Variants in LRP1B observed in about 807,000 individuals in gnomAD.
LRP1B encodes the protein LDL receptor related protein 1B.
A neutral mutation model predicts 556.6 loss-of-function variants in LRP1B; 217 were observed. That is an observed-to-expected ratio of 0.39 (90% CI 0.35 to 0.44). The LOEUF (loss-of-function observed/expected upper bound fraction) is 0.44. Among genes scored for constraint, LRP1B ranks in the 20% least tolerant of loss-of-function variants. LRP1B has a pLI of 1.00. For synonymous variants in LRP1B, 2,047 were observed against 1,865.8 expected (o/e 1.10, Z -2.50); for missense variants, 5,053 against 5,620.8 (o/e 0.90, Z 3.23).
chr2:141,095,934 C>G (rs537393254), intron 7 of LRP1B, among the ~76,000 whole-genome samples: 1 of 152,072 alleles, frequency 6.6e-6, no homozygotes, highest in East Asian at 1.9e-4. Flanking sequence ...AGATATCAAA[C>G]AATTGTATCT....
intron 1 of LRP1B, among the ~76,000 whole-genome samples, chr2:141,997,016 A>C (rs1039951492): frequency 6.6e-6 from 1 of 152,172 alleles, no homozygotes; most frequent in Non-Finnish European, 1.5e-5. Flanking sequence ...TGCCCAGAGC[A>C]TCACTCTGCA....
At chr2:142,100,866 C>G (rs191935269) in intron 1 of LRP1B, among the ~76,000 whole-genome samples, 3 of 151,960 alleles carry the variant, frequency 2.0e-5, no homozygotes, top group Admixed American at 2.0e-4. Flanking sequence ...CTCCTTGTCC[C>G]CACACACGTT....
intron 3 of LRP1B, among the ~76,000 whole-genome samples, chr2:141,432,216 A>G (rs950182094): frequency 1.3e-5 from 2 of 152,102 alleles, no homozygotes; most frequent in Admixed American, 1.3e-4. Context: ...TGAAATTATC[A>G]TATTTTACCC....
At chr2:141,177,099 G>C (rs1227627933) in intron 7 of LRP1B, among the ~76,000 whole-genome samples, 1 of 152,006 alleles carries the variant, frequency 6.6e-6, no homozygotes, top group East Asian at 1.9e-4. Context: ...TGGCACCACT[G>C]AGCTGAATTA....
intron 23 of LRP1B, among the ~76,000 whole-genome samples, chr2:140,886,750 A>C (rs1693648037): frequency 6.6e-6 from 1 of 152,160 alleles, no homozygotes; most frequent in Admixed American, 6.5e-5. Flanking sequence ...ACAGATCCAT[A>C]GAGGAGAACT....
At chr2:140,404,513 CAAT>C (rs1359050994) in intron 66 of LRP1B, among the ~76,000 whole-genome samples, 4 of 152,014 alleles carry the variant, frequency 2.6e-5, no homozygotes, top group Non-Finnish European at 1.5e-5. Flanking sequence ...GTTTATAAAA[CAAT>C]AAGACAATAA....
At chr2:141,685,272 T>G (rs894968679) in intron 2 of LRP1B, among the ~76,000 whole-genome samples, 3 of 152,100 alleles carry the variant, frequency 2.0e-5, no homozygotes, top group African/African-American at 7.2e-5. Context: ...TCATGCAAGA[T>G]TCTCAATTAT....
At chr2:140,386,721 A>G (rs1302636911) in intron 66 of LRP1B, among the ~76,000 whole-genome samples, 1 of 152,236 alleles carries the variant, frequency 6.6e-6, no homozygotes, top group Non-Finnish European at 1.5e-5. Context: ...GGCACAGCCA[A>G]TATAAAGGAA....
chr2:141,288,635 A>C (rs1231791795), intron 3 of LRP1B, among the ~76,000 whole-genome samples: 1 of 152,192 alleles, frequency 6.6e-6, no homozygotes, highest in African/African-American at 2.4e-5. Context: ...GATTATCTTA[A>C]ATGATCTAAA....
rs183887274 is a variant in LRP1B at position 141,366,095 on chromosome 2, T to C, written c.344-111454A>G. On this transcript the variant is annotated intron_variant, in intron 3 of 90. Transcript: ENST00000389484. ...CTGGTTCTTATTTTTCTGCTCTTAT[T>C]TCTTTGTGTTTTTCACACTGCTGCA... 3.1e-3 allele frequency among the ~76,000 whole-genome samples: 473 copies of C among 152,324 alleles called. 2 individuals are homozygous for C. Among genetic ancestry groups the C allele is most frequent in the African/African-American group, 8.7e-3 (361 of 41,582 alleles).
intron 88 of LRP1B, 79 bp from the exon 89 acceptor site, chr2:140,238,375 T>G: frequency 1.4e-6 from 1 of 692,610 alleles, no homozygotes; most frequent in Non-Finnish European, 2.3e-6. Flanking sequence ...ATTTATAGAT[T>G]TACTGACTTA....
intron 69 of LRP1B, among the ~76,000 whole-genome samples, chr2:140,371,552 GA>G (rs202114476): frequency 6.2e-5 from 9 of 144,710 alleles, no homozygotes; most frequent in Non-Finnish European, 9.1e-5. Flanking sequence ...TCCATAGAAG[GA>G]AAAAAAAACA....
At chr2:142,111,935 T>C (rs534491010) in intron 1 of LRP1B, among the ~76,000 whole-genome samples, 1 of 152,234 alleles carries the variant, frequency 6.6e-6, no homozygotes, top group East Asian at 1.9e-4. Flanking sequence ...CTTGAAGAGA[T>C]AATGTAATTG....
intron 3 of LRP1B, among the ~76,000 whole-genome samples, chr2:141,446,677 T>G (rs969876173): frequency 8.5e-5 from 13 of 152,342 alleles, no homozygotes; most frequent in Admixed American, 7.2e-4. Context: ...GAAGCTTAGC[T>G]TGGCTGGATA....
At chr2:140,801,994 C>A (rs1419187245) in intron 32 of LRP1B, among the ~76,000 whole-genome samples, 1 of 152,112 alleles carries the variant, frequency 6.6e-6, no homozygotes, top group East Asian at 1.9e-4. Context: ...GTTAGCCATA[C>A]AAATACATTT....
chr2:141,125,855 A>AAAAAAAC (rs1558878160), intron 7 of LRP1B, among the ~76,000 whole-genome samples: 1 of 149,752 alleles, frequency 6.7e-6, no homozygotes, highest in African/African-American at 2.5e-5. Context: ...AAAAAAAAAA[A>AAAAAAAC]AAAAAACAAA....
At chr2:142,085,880 A>G (rs927844053) in intron 1 of LRP1B, among the ~76,000 whole-genome samples, 2 of 152,178 alleles carry the variant, frequency 1.3e-5, no homozygotes, top group African/African-American at 4.8e-5. Context: ...GAAGTCACTG[A>G]ACTATCCCAC....
At chr2:141,252,869 G>A (rs1367906515) in intron 4 of LRP1B, among the ~76,000 whole-genome samples, 1 of 152,144 alleles carries the variant, frequency 6.6e-6, no homozygotes, top group Non-Finnish European at 1.5e-5. Flanking sequence ...TATAGAGAAA[G>A]TACAAAGATC....
At position 141,121,771 on chromosome 2, in the gene LRP1B, C is replaced by CA. The variant is rs575532402; in HGVS notation, c.1014-59499dup. On this transcript the variant is annotated intron_variant, in intron 7 of 90. Transcript: ENST00000389484. ...AACTACTTTAAAGTTCATATGGAAC[C>CA]AAAAAAGAGCCCTCATTGCCAAGAC... 2.2e-5 allele frequency among the ~76,000 whole-genome samples: 3 copies of CA among 138,590 alleles called. No individual in the cohort carries two copies. The East Asian group carries it at 7.6e-4, about 35-fold the overall frequency. The allele number at this position is 138,590 out of a possible 152,430, so 90.9% of individuals were successfully genotyped here.
Sources: allele counts gnomAD v4.1 joint callset (sites outside exome capture counted in the v4.1 genomes callset), GRCh38; gene constraint gnomAD v4.1.1; transcripts MANE v1.5; gene names NCBI Gene and HGNC (gene_info 2026-07-23, HGNC 2026-07-21).